The following TTC7A variants were observed in gnomAD, a reference collection of about 807,000 sequenced individuals.
The protein encoded by TTC7A is tetratricopeptide repeat protein 7A.
A neutral mutation model predicts 103.7 loss-of-function variants in TTC7A; 110 were observed. The ratio of observed to expected loss-of-function variants is 1.06; its 90% CI spans 0.91 to 1.24. The LOEUF (loss-of-function observed/expected upper bound fraction) is 1.24, where lower values mean the gene tolerates loss of function less well. TTC7A is among the 50% of genes most tolerant of loss of function. The pLI is 0.00. For missense variants in TTC7A, 1,340 were observed against 1,116.3 expected, an observed-to-expected ratio of 1.20 and a Z score of -2.86; for synonymous variants, 521 against 467.9, an observed-to-expected ratio of 1.11 and a Z score of -1.47.
intron 15 of TTC7A, among the ~76,000 whole-genome samples, chr2:47,039,283 G>A (rs1681482118): frequency 6.6e-6 from 1 of 152,206 alleles, no homozygotes; most frequent in Non-Finnish European, 1.5e-5. Flanking sequence ...AGTAACTACA[G>A]GGAGCTGCTT....
intron 3 of TTC7A, 188 bp from the exon 4 acceptor site, chr2:46,974,785 C>T: frequency 1.3e-6 from 1 of 748,990 alleles, no homozygotes; most frequent in African/African-American, 1.7e-5. Context: ...TGTCCCATCG[C>T]TTACTCCCAG....
chr2:46,955,112 T>G (rs1420640746), intron 2 of TTC7A, among the ~76,000 whole-genome samples: 1 of 152,212 alleles, frequency 6.6e-6, no homozygotes, highest in Non-Finnish European at 1.5e-5. Flanking sequence ...CAAAGAAAAG[T>G]TCAAAGCTCT....
intron 18 of TTC7A, among the ~76,000 whole-genome samples, chr2:47,052,223 TG>T (rs1439251589): frequency 3.3e-5 from 5 of 152,138 alleles, no homozygotes; most frequent in South Asian, 4.1e-4. Context: ...AAGAGAGGGC[TG>T]GGGGTAGAAT....
intron 18 of TTC7A, among the ~76,000 whole-genome samples, chr2:47,055,912 T>C (rs1683274458): frequency 6.6e-6 from 1 of 151,414 alleles, no homozygotes; most frequent in Admixed American, 6.6e-5. Context: ...TGGTCCTACA[T>C]GCTCCTCTAC....
At chr2:46,934,323 A>G (rs1352639825) in intron 2 of TTC7A, among the ~76,000 whole-genome samples, 1 of 152,206 alleles carries the variant, frequency 6.6e-6, no homozygotes, top group African/African-American at 2.4e-5. Context: ...CAGTGGCACA[A>G]TCTCAGCTCA....
Position 47,006,044 on chromosome 2 carries a change from C to G in TTC7A, c.1188C>G (p.Tyr396Ter). 1.2e-6 allele frequency: 2 copies of G among 1,613,860 alleles called. No homozygotes were observed. Among genetic ancestry groups the G allele is most frequent in the Non-Finnish European group, 1.7e-6 (2 of 1,179,980 alleles). ...TCACGTTGGGCAGAAGGGGACAGTA[C>G]GTCATGCTCTCGGAGGTACGGCCGG... Reference protein sequence around the residue: ...LSITLGRRGQYVMLSECLERA... With the variant: ...LSITLGRRGQ The change falls in exon 9 of 20, where the codon TAC becomes TAG. Residue 396 changes from tyrosine (Y) to a stop codon, truncating the protein, a stop_gained. Coordinates refer to ENST00000319190, the MANE Select transcript of TTC7A (RefSeq NM_020458.4). LOFTEE classifies it high-confidence loss of function.
chr2:46,960,878 C>T (rs1384321296), intron 3 of TTC7A, among the ~76,000 whole-genome samples: 3 of 152,244 alleles, frequency 2.0e-5, no homozygotes, highest in Non-Finnish European at 4.4e-5. Context: ...GGACTTTCTC[C>T]TCTCTGGGCC....
At chr2:47,006,112 A>C in intron 9 of TTC7A, 53 bp downstream of exon 9, 1 of 1,594,704 alleles carries the variant, frequency 6.3e-7, no homozygotes, top group Non-Finnish European at 8.6e-7. Flanking sequence ...TGGTCTGTAA[A>C]GGAAATCAGA....
intron 14 of TTC7A, among the ~76,000 whole-genome samples, chr2:47,025,398 A>G (rs971720256): frequency 6.6e-6 from 1 of 152,022 alleles, no homozygotes; most frequent in Non-Finnish European, 1.5e-5. Context: ...ACCCTTTTGG[A>G]GTTGGGGCCC....
rs1251394033 is a variant in TTC7A at position 46,983,342 on chromosome 2, CT to C, written c.764+4440del. On this transcript the variant is annotated intron_variant, in intron 5 of 19. Transcript: ENST00000319190. ...ACCTCCACCATCTGCTTTTTTGATCCTTTTTCGGTTGCTGAGCTTTGGTTTC... is the reference window on the plus strand; with the variant it reads ...ACCTCCACCATCTGCTTTTTTGATCCTTTTCGGTTGCTGAGCTTTGGTTTC... Among the ~76,000 whole-genome samples, 3 of 152,328 alleles carry C rather than the reference CT, an allele frequency of 2.0e-5. No individual in the cohort carries two copies. The East Asian group carries it at 5.8e-4, about 29-fold the overall frequency.
intron 15 of TTC7A, among the ~76,000 whole-genome samples, chr2:47,032,643 C>T (rs1023222831): frequency 2.6e-5 from 4 of 151,878 alleles, no homozygotes; most frequent in Non-Finnish European, 5.9e-5. Context: ...AGTAGTGCCT[C>T]ACTTTCCTTA....
intron 16 of TTC7A, among the ~76,000 whole-genome samples, chr2:47,047,674 C>G (rs1682464409): frequency 1.3e-5 from 2 of 152,360 alleles, no homozygotes; most frequent in South Asian, 4.1e-4. Context: ...GGCTGCTTGT[C>G]TCTTCCTCCA....
At chr2:47,061,614 G>GA (rs1683788315) in intron 19 of TTC7A, among the ~76,000 whole-genome samples, 1 of 152,212 alleles carries the variant, frequency 6.6e-6, no homozygotes, top group South Asian at 2.1e-4. Context: ...GCAGGATGCT[G>GA]ATACTCTTGT....
chr2:46,993,565 A>G (rs752143379), intron 6 of TTC7A, 37 bp downstream of exon 6: 7 of 1,603,044 alleles, frequency 4.4e-6, no homozygotes, highest in African/African-American at 1.3e-5. Flanking sequence ...CTTATTTAGG[A>G]GTCAGCTTTG....
intron 3 of TTC7A, among the ~76,000 whole-genome samples, chr2:46,960,591 A>G (rs759867521): frequency 3.3e-5 from 5 of 152,246 alleles, no homozygotes; most frequent in African/African-American, 4.8e-5. Context: ...CAACTTTCCC[A>G]GGTGATGTAC....
intron 19 of TTC7A, among the ~76,000 whole-genome samples, chr2:47,070,566 T>C (rs1455195350): frequency 6.6e-6 from 1 of 152,196 alleles, no homozygotes; most frequent in African/African-American, 2.4e-5. Flanking sequence ...ATCACATCCA[T>C]GAGCCCCACA....
chr2:46,964,990 C>T (rs558006850), intron 3 of TTC7A, among the ~76,000 whole-genome samples: 13 of 152,170 alleles, frequency 8.5e-5, no homozygotes, highest in Non-Finnish European at 1.6e-4. Flanking sequence ...TCACACCCAG[C>T]GCCAGGGAGG....
At position 47,004,932 on chromosome 2, in the gene TTC7A, A is replaced by G. The variant is rs116435747; in HGVS notation, c.1066-990A>G. Reference sequence around the variant, plus strand: ...TAGAGGTGGGCAGAGGGGTGGGACTATCTGCACATACCAAAGAACACAAGA... The same window carrying G: ...TAGAGGTGGGCAGAGGGGTGGGACTGTCTGCACATACCAAAGAACACAAGA... On this transcript the variant is annotated intron_variant, in intron 8 of 19. Coordinates refer to ENST00000319190, the MANE Select transcript of TTC7A (RefSeq NM_020458.4). Among the ~76,000 whole-genome samples the G allele has an allele frequency of 4.5e-3, 684 of 152,202 alleles. 7 individuals carry two copies. Among genetic ancestry groups the G allele is most frequent in the African/African-American group, 0.015 (633 of 41,522 alleles).
chr2:46,953,700 C>G (rs944747237), intron 2 of TTC7A, among the ~76,000 whole-genome samples: 2 of 152,206 alleles, frequency 1.3e-5, no homozygotes, highest in African/African-American at 4.8e-5. Context: ...AAACAAGCCA[C>G]TTGTCCTAAA....
Sources: allele counts gnomAD v4.1 joint callset (sites outside exome capture counted in the v4.1 genomes callset), GRCh38; gene constraint gnomAD v4.1.1; transcripts MANE v1.5; gene names NCBI Gene and HGNC (gene_info 2026-07-23, HGNC 2026-07-21).